The following BLOC1S6 variants were observed in gnomAD, a reference collection of about 807,000 sequenced individuals.
BLOC1S6 encodes the protein biogenesis of lysosomal organelles complex 1 subunit 6, also known as biogenesis of lysosome-related organelles complex 1 subunit 6.
A neutral mutation model predicts 24.7 loss-of-function variants in BLOC1S6; 24 were observed. The ratio of observed to expected loss-of-function variants is 0.97; its 90% CI spans 0.70 to 1.37. The LOEUF is 1.37. BLOC1S6 is among the 40% of genes most tolerant of loss of function. BLOC1S6 has a pLI of 0.00. For missense variants in BLOC1S6, 175 were observed against 196.2 expected, an observed-to-expected ratio of 0.89 and a Z score of 0.64; for synonymous variants, 76 against 72.6, an observed-to-expected ratio of 1.05 and a Z score of -0.23.
chr15:45,602,970 A>G, intron 2 of BLOC1S6, 130 bp from the exon 3 acceptor site: 1 of 668,426 alleles, frequency 1.5e-6, no homozygotes, highest in Middle Eastern at 3.0e-4. Flanking sequence ...TATATTAAAT[A>G]AACCTTAGAG....
At chr15:45,594,361 C>T (rs1893992047) in intron 2 of BLOC1S6, among the ~76,000 whole-genome samples, 2 of 152,196 alleles carry the variant, frequency 1.3e-5, no homozygotes, top group Admixed American at 6.5e-5. Flanking sequence ...GATCCAGGCC[C>T]CTAAAGCAGC....
intron 4 of BLOC1S6, 34 bp downstream of exon 4, chr15:45,605,548 AGTAGAG>A: frequency 7.0e-7 from 1 of 1,437,456 alleles, no homozygotes; most frequent in Non-Finnish European, 9.7e-7. Flanking sequence ...TCTTTACAAA[AGTAGAG>A]GTTTAATTGT....
chr15:45,608,983 A>G lies in BLOC1S6; in HGVS notation c.*2469A>G, dbSNP rs946404994. 2.0e-5 allele frequency: 3 copies of G among 152,186 alleles called. No homozygotes were observed. The East Asian group carries it at 5.8e-4, about 29-fold the overall frequency. The allele number at this position is 152,186 out of a possible 1,614,324, so 9.4% of individuals were successfully genotyped here. Reference sequence around the variant, plus strand: ...TTGTGACCTGTTTAAAAACAAATCAAATTTATTGAACAAATGACAAGGCAC... The same window carrying G: ...TTGTGACCTGTTTAAAAACAAATCAGATTTATTGAACAAATGACAAGGCAC... On this transcript the variant is annotated 3_prime_UTR_variant, in exon 5 of 5. Coordinates refer to ENST00000220531, the MANE Select transcript of BLOC1S6 (RefSeq NM_012388.4).
chr15:45,587,310 G>A (rs141234222), upstream of BLOC1S6: 1,249 of 845,980 alleles, frequency 1.5e-3, 1 homozygote, highest in Admixed American at 2.4e-3. Flanking sequence ...ATCGAAGCCC[G>A]CAGTTTTTTC....
intron 2 of BLOC1S6, among the ~76,000 whole-genome samples, chr15:45,597,595 T>C (rs559266149): frequency 4.5e-4 from 69 of 152,336 alleles, no homozygotes; most frequent in African/African-American, 1.7e-3. Context: ...TGTATATATT[T>C]TGTTATATTT....
At chr15:45,603,813 C>A (rs1894352820) in intron 3 of BLOC1S6, among the ~76,000 whole-genome samples, 1 of 151,956 alleles carries the variant, frequency 6.6e-6, no homozygotes, top group Non-Finnish European at 1.5e-5. Flanking sequence ...TTACCAATTA[C>A]ATGGTTTCTT....
chr15:45,606,380 T>G lies in BLOC1S6; in HGVS notation c.400-15T>G. The G allele has an allele frequency of 6.2e-7, 1 of 1,613,294 alleles. No homozygotes were observed. The highest frequency in any genetic ancestry group is 8.5e-7 in the Non-Finnish European group (1 of 1,180,000). ...TGATTGCTCTCTTGGTTTTTAAATT[T>G]TTTTTTTAACACAGAAAAGAGCACT... On this transcript the variant is annotated splice_polypyrimidine_tract_variant and intron_variant, in intron 4 of 4. Transcript: ENST00000220531.
chr15:45,608,430 A>G lies in BLOC1S6; in HGVS notation c.*1916A>G, dbSNP rs1308220606. 6.6e-6 allele frequency: 1 copy of G among 152,244 alleles called. No individual in the cohort carries two copies. Among genetic ancestry groups the G allele is most frequent in the Non-Finnish European group, 1.5e-5 (1 of 68,046 alleles). The allele number at this position is 152,244 out of a possible 1,614,324, so 9.4% of individuals were successfully genotyped here. On this transcript the variant is annotated 3_prime_UTR_variant, in exon 5 of 5. Coordinates refer to ENST00000220531, the MANE Select transcript of BLOC1S6 (RefSeq NM_012388.4). Reference sequence around the variant, plus strand: ...CTCATTATAATATGATATCTGACAAAGGTAGTACAGCGTTTCTGAGTCATT... The same window carrying G: ...CTCATTATAATATGATATCTGACAAGGGTAGTACAGCGTTTCTGAGTCATT...
chr15:45,591,773 TAG>T (rs747708698), intron 1 of BLOC1S6, among the ~76,000 whole-genome samples: 46 of 152,264 alleles, frequency 3.0e-4, no homozygotes, highest in African/African-American at 1.1e-3. Flanking sequence ...TCATTTATCA[TAG>T]ACTTTACCTT....
chr15:45,588,589 C>A (rs1238712445), intron 1 of BLOC1S6, among the ~76,000 whole-genome samples: 1 of 152,214 alleles, frequency 6.6e-6, no homozygotes, highest in African/African-American at 2.4e-5. Context: ...GGTTCACCTC[C>A]AGTCTTACTC....
At chr15:45,589,033 A>G (rs1269382363) in intron 1 of BLOC1S6, among the ~76,000 whole-genome samples, 1 of 152,228 alleles carries the variant, frequency 6.6e-6, no homozygotes, top group African/African-American at 2.4e-5. Flanking sequence ...AATTTATCCT[A>G]CAGAAAGTGA....
At chr15:45,602,283 A>G in intron 2 of BLOC1S6, 2 of 622,580 alleles carry the variant, frequency 3.2e-6, no homozygotes, top group Admixed American at 2.8e-5. Flanking sequence ...GTTCGTTGTT[A>G]TTTCTTTTTT....
In BLOC1S6 at chr15:45,606,705, G is replaced by C. The variant is rs1357927812; in HGVS notation, c.*191G>C. ...GTTGCATGGTTTTTGATATTTATAT[G>C]TAAGTTTTTCAAATTTTGCTTAATT... is the stretch of plus-strand genomic sequence containing the variant. On this transcript the variant is annotated 3_prime_UTR_variant, in exon 5 of 5. Coordinates refer to ENST00000220531, the MANE Select transcript of BLOC1S6 (RefSeq NM_012388.4). 1.5e-6 allele frequency: 1 copy of C among 666,406 alleles called. No individual in the cohort carries two copies. Among genetic ancestry groups the C allele is most frequent in the Non-Finnish European group, 2.4e-6 (1 of 419,934 alleles). The allele number at this position is 666,406 out of a possible 1,614,324, so 41.3% of individuals were successfully genotyped here.
At position 45,606,664 on chromosome 15, in the gene BLOC1S6, A is replaced by G. The variant is rs999905405; in HGVS notation, c.*150A>G. On this transcript the variant is annotated 3_prime_UTR_variant, in exon 5 of 5. Coordinates refer to ENST00000220531, the MANE Select transcript of BLOC1S6 (RefSeq NM_012388.4). ...TACTGTGTCTCCATGCCTTTTTTCC[A>G]AGTAGCAGACGTCATGTTGCATGGT... is the stretch of plus-strand genomic sequence containing the variant. 9.2e-7 allele frequency: 1 copy of G among 1,085,818 alleles called. No individual in the cohort carries two copies. The highest frequency in any genetic ancestry group is 1.4e-5 in the South Asian group (1 of 71,736). 67.3% of individuals were successfully genotyped at this position (1,085,818 alleles called of 1,614,324 possible).
In BLOC1S6 at chr15:45,607,423, A is replaced by G. The variant is rs185165634; in HGVS notation, c.*909A>G. On this transcript the variant is annotated 3_prime_UTR_variant, in exon 5 of 5. Coordinates refer to ENST00000220531, the MANE Select transcript of BLOC1S6 (RefSeq NM_012388.4). ...TGAGCTTGTATATTTATAATACAAT[A>G]TAGTATTATAGTAACAGTTATCATA... 1.3e-5 allele frequency: 2 copies of G among 152,326 alleles called. No homozygotes were observed. Among genetic ancestry groups the G allele is most frequent in the East Asian group, 1.9e-4 (1 of 5,192 alleles). 9.4% of individuals were successfully genotyped at this position (152,326 alleles called of 1,614,324 possible).
intron 2 of BLOC1S6, among the ~76,000 whole-genome samples, chr15:45,600,175 C>T (rs1430609893): frequency 1.1e-5 from 1 of 93,580 alleles, no homozygotes; most frequent in Non-Finnish European, 2.0e-5. Context: ...ACTCTGGGGA[C>T]TGTGGTGGGG....
intron 3 of BLOC1S6, among the ~76,000 whole-genome samples, chr15:45,603,719 A>G (rs1894348552): frequency 6.6e-6 from 1 of 151,962 alleles, no homozygotes; most frequent in African/African-American, 2.4e-5. Flanking sequence ...TGTCTCAAAA[A>G]ACAAACAAAC....
intron 4 of BLOC1S6, 144 bp from the exon 5 acceptor site, chr15:45,606,251 A>G: frequency 8.1e-7 from 1 of 1,237,802 alleles, no homozygotes; most frequent in Non-Finnish European, 1.1e-6. Flanking sequence ...AAGGGACCTT[A>G]AATTATCCCA....
intron 1 of BLOC1S6, chr15:45,587,755 C>T (rs1310519675): frequency 2.8e-6 from 2 of 703,478 alleles, no homozygotes; most frequent in East Asian, 5.4e-5. Context: ...CAATTGAAGG[C>T]GGTTGATGGT....
Sources: gnomAD v4.1 joint callset for allele counts (sites outside exome capture counted in the v4.1 genomes callset) on GRCh38, gnomAD v4.1.1 for gene constraint, MANE v1.5 for transcripts, NCBI Gene and HGNC (gene_info 2026-07-23, HGNC 2026-07-21) for gene names.